MBD5: variants seen among roughly 807,000 people sequenced by gnomAD.
MBD5 encodes methyl-CpG-binding domain protein 5.
Under a neutral mutation model 117.3 loss-of-function variants are expected in MBD5, and 13 were observed. The observed-to-expected ratio is 0.11, with a 90% CI of 0.07 to 0.18. The LOEUF is 0.18. Ranked by LOEUF, MBD5 falls within the 10% of genes least tolerant of loss-of-function variation. The pLI is 1.00. For synonymous variants in MBD5, 727 were observed against 766.4 expected, an observed-to-expected ratio of 0.95 and a Z score of 0.85; for missense variants, 1,879 against 2,093.8, an observed-to-expected ratio of 0.90 and a Z score of 2.00.
In MBD5 at chr2:148,041,545, G is replaced by A. The variant is rs527821870; in HGVS notation, c.-925+19861G>A. On this transcript the variant is annotated intron_variant, in intron 1 of 13. Coordinates refer to ENST00000642680, the MANE Select transcript of MBD5 (RefSeq NM_001378120.1). ...GGATTTGGAGAAGAACCACCATCAG[G>A]CCATCATGGATGATCTTTCTCAGGA... Among the ~76,000 whole-genome samples, 14 of 152,202 alleles carry A rather than the reference G, an allele frequency of 9.2e-5. No homozygotes were observed. The East Asian group carries it at 2.7e-3, about 29-fold the overall frequency.
intron 2 of MBD5, among the ~76,000 whole-genome samples, chr2:148,233,014 G>T (rs1700025881): frequency 6.6e-6 from 1 of 152,066 alleles, no homozygotes; most frequent in Non-Finnish European, 1.5e-5. Flanking sequence ...AACCTCTTTT[G>T]ATTTTGGTTT....
At chr2:148,314,842 G>C (rs1243872191) in intron 3 of MBD5, among the ~76,000 whole-genome samples, 1 of 152,010 alleles carries the variant, frequency 6.6e-6, no homozygotes, top group Non-Finnish European at 1.5e-5. Flanking sequence ...GTTGGCAACT[G>C]TTTTTAGGCA....
intron 1 of MBD5, among the ~76,000 whole-genome samples, chr2:148,137,050 C>G (rs1392104650): frequency 1.3e-5 from 2 of 152,166 alleles, no homozygotes; most frequent in African/African-American, 4.8e-5. Flanking sequence ...GCGTGAGTCA[C>G]CGTGCCCAGC....
rs570960693 is a variant in MBD5 at position 148,507,555 on chromosome 2, C to T, written c.5037-2505C>T. Among the ~76,000 whole-genome samples the T allele has an allele frequency of 7.1e-4, 108 of 151,778 alleles. 2 individuals carry two copies. Among genetic ancestry groups the T allele is most frequent in the South Asian group, 3.1e-3 (15 of 4,788 alleles). Reference sequence around the variant, plus strand: ...CGGGCAGATCACGAGGTCAGGAGATCGAGACCATCCTGGCTAACACGGTGA... The same window carrying T: ...CGGGCAGATCACGAGGTCAGGAGATTGAGACCATCCTGGCTAACACGGTGA... On this transcript the variant is annotated intron_variant, in intron 12 of 13. Coordinates refer to ENST00000642680, the MANE Select transcript of MBD5 (RefSeq NM_001378120.1).
chr2:148,308,218 C>T (rs146424017), intron 3 of MBD5, among the ~76,000 whole-genome samples: 123 of 152,312 alleles, frequency 8.1e-4, no homozygotes, highest in African/African-American at 2.9e-3. Flanking sequence ...AATCACCACA[C>T]TGTTTTCCAC....
intron 10 of MBD5, among the ~76,000 whole-genome samples, chr2:148,486,923 T>G (rs1681357388): frequency 6.6e-6 from 1 of 152,210 alleles, no homozygotes. Flanking sequence ...GACCAGAAGC[T>G]CAGCTTCTGT....
rs182263087 is a variant in MBD5, at chr2:148,145,694, G to A, written c.-924-33006G>A. 3.9e-5 allele frequency among the ~76,000 whole-genome samples: 6 copies of A among 152,250 alleles called. No individual in the cohort carries two copies. In the East Asian group the frequency reaches 1.2e-3, roughly 29 times the overall value. ...ATTTTGTCAAAAGCCTTTTCTGCAT[G>A]TATTGAGATAATCATATGGTTTTTG... On this transcript the variant is annotated intron_variant, in intron 1 of 13. Coordinates refer to ENST00000642680, the MANE Select transcript of MBD5 (RefSeq NM_001378120.1).
At chr2:148,181,299 G>A (rs1474405766) in intron 2 of MBD5, among the ~76,000 whole-genome samples, 3 of 152,104 alleles carry the variant, frequency 2.0e-5, no homozygotes, top group Non-Finnish European at 4.4e-5. Context: ...CATCCAAATT[G>A]CTTTCAATTT....
chr2:148,389,554 G>A (rs901742679), intron 4 of MBD5, among the ~76,000 whole-genome samples: 1 of 151,964 alleles, frequency 6.6e-6, no homozygotes, highest in East Asian at 1.9e-4. Flanking sequence ...CACCAACAGT[G>A]TATAAGCATT....
intron 1 of MBD5, among the ~76,000 whole-genome samples, chr2:148,046,548 C>G (rs962418764): frequency 6.6e-6 from 1 of 152,056 alleles, no homozygotes; most frequent in Non-Finnish European, 1.5e-5. Flanking sequence ...CCCCAATTCC[C>G]CAAGTTAGAA....
chr2:148,383,664 G>T lies in MBD5; in HGVS notation c.-557+41328G>T, dbSNP rs567346911. 3.3e-5 allele frequency among the ~76,000 whole-genome samples: 5 copies of T among 151,114 alleles called. No individual in the cohort carries two copies. In the East Asian group the frequency reaches 5.9e-4, roughly 18 times the overall value. Reference sequence around the variant, plus strand: ...CAGAGACAAAACAAAAAAAAAAAGAGAATTTTAGACCAATATCCTTGATGA... The same window carrying T: ...CAGAGACAAAACAAAAAAAAAAAGATAATTTTAGACCAATATCCTTGATGA... On this transcript the variant is annotated intron_variant, in intron 4 of 13. Coordinates refer to ENST00000642680, the MANE Select transcript of MBD5 (RefSeq NM_001378120.1).
At chr2:148,261,685 T>C (rs1273163078) in intron 3 of MBD5, among the ~76,000 whole-genome samples, 1 of 152,256 alleles carries the variant, frequency 6.6e-6, no homozygotes, top group Non-Finnish European at 1.5e-5. Context: ...GTGTATTAAC[T>C]GAAGTAGCAC....
intron 1 of MBD5, among the ~76,000 whole-genome samples, chr2:148,135,468 T>C (rs866293019): frequency 5.3e-5 from 8 of 152,198 alleles, no homozygotes; most frequent in Admixed American, 1.3e-4. Context: ...AAAACATATT[T>C]TTACATTCTA....
intron 3 of MBD5, among the ~76,000 whole-genome samples, chr2:148,319,855 A>G (rs531260421): frequency 6.6e-6 from 1 of 152,112 alleles, no homozygotes; most frequent in Non-Finnish European, 1.5e-5. Context: ...AATTCTTTCA[A>G]ATTTTCCCCA....
intron 3 of MBD5, among the ~76,000 whole-genome samples, chr2:148,296,906 C>T (rs556261526): frequency 2.4e-5 from 2 of 81,650 alleles, no homozygotes; most frequent in South Asian, 4.2e-4. Context: ...CTCACTCTGT[C>T]GCCCAGGCTG....
At chr2:148,339,266 C>A (rs1559030187) in intron 3 of MBD5, among the ~76,000 whole-genome samples, 1 of 152,088 alleles carries the variant, frequency 6.6e-6, no homozygotes, top group Non-Finnish European at 1.5e-5. Context: ...CTAAAAAAAT[C>A]TTGTTTTTTT....
At chr2:148,498,153 T>A (rs148112120) in intron 11 of MBD5, among the ~76,000 whole-genome samples, 2 of 152,318 alleles carry the variant, frequency 1.3e-5, no homozygotes, top group East Asian at 3.9e-4. Context: ...GAGCTTGAGG[T>A]CAACTCTGTT....
At chr2:148,275,242 C>A (rs1205803495) in intron 3 of MBD5, among the ~76,000 whole-genome samples, 1 of 151,854 alleles carries the variant, frequency 6.6e-6, no homozygotes, top group African/African-American at 2.4e-5. Flanking sequence ...TTATATTTTT[C>A]TTTATTTCAG....
rs1363233575 is a variant in MBD5 at position 148,193,072 on chromosome 2, A to G, written c.-831+14279A>G. The stretch of plus-strand genomic sequence containing the variant: ...TACAAGGGACATGAAGGACCTCTTC[A>G]AGGAGAACTACAAACCACTGCTCAA... On this transcript the variant is annotated intron_variant, in intron 2 of 13. Transcript: ENST00000642680. Among the ~76,000 whole-genome samples, 2 of 111,490 alleles carry G rather than the reference A, an allele frequency of 1.8e-5. 1 individual carries two copies. Among genetic ancestry groups the G allele is most frequent in the Non-Finnish European group, 3.8e-5 (2 of 52,374 alleles). The allele number at this position is 111,490 out of a possible 152,430, so 73.1% of individuals were successfully genotyped here. A position where few individuals can be genotyped will look rare whatever the true frequency, so the allele number is the denominator to read the frequency against.
Sources: allele counts gnomAD v4.1 joint callset (sites outside exome capture counted in the v4.1 genomes callset), GRCh38; gene constraint gnomAD v4.1.1; transcripts MANE v1.5; gene names NCBI Gene and HGNC (gene_info 2026-07-23, HGNC 2026-07-21).